ANKS1B: variants seen among roughly 807,000 people sequenced by gnomAD.
ANKS1B encodes ankyrin repeat and sterile alpha motif domain containing 1B.
A neutral mutation model predicts 148.3 loss-of-function variants in ANKS1B; 36 were observed. That is an observed-to-expected ratio of 0.24 (90% confidence interval 0.19 to 0.32). ANKS1B has a LOEUF of 0.32. ANKS1B is among the 10% of genes least tolerant of loss of function. The probability of loss-of-function intolerance (pLI) is 1.00; values close to 1 mark genes in which losing one functional copy is unlikely to be tolerated. For synonymous variants in ANKS1B, 542 were observed against 560.8 expected (o/e 0.97, Z 0.47); for missense variants, 1,157 against 1,542.6 (o/e 0.75, Z 4.19).
At chr12:98,921,408 T>C (rs1375659255) in intron 17 of ANKS1B, among the ~76,000 whole-genome samples, 1 of 152,220 alleles carries the variant, frequency 6.6e-6, no homozygotes, top group East Asian at 1.9e-4. Flanking sequence ...ATCTCATGCA[T>C]GCATTCCATG....
At chr12:98,951,940 A>G (rs2099854687) in intron 17 of ANKS1B, among the ~76,000 whole-genome samples, 1 of 152,216 alleles carries the variant, frequency 6.6e-6, no homozygotes, top group Non-Finnish European at 1.5e-5. Context: ...GTATCTGGTC[A>G]ATTGCCTGTC....
Position 99,319,325 on chromosome 12 carries a change from A to G in ANKS1B, c.1757-72461T>C, listed in dbSNP as rs2084778998. Among the ~76,000 whole-genome samples the G allele has an allele frequency of 2.6e-5, 4 of 152,046 alleles. No individual in the cohort carries two copies. In the South Asian group the frequency reaches 8.3e-4, roughly 32 times the overall value. On this transcript the variant is annotated intron_variant, in intron 12 of 26. Coordinates refer to ENST00000683438, the MANE Select transcript of ANKS1B (RefSeq NM_001352186.2). ...AGTCTAAGTCTCTTTGTAGGTCTCT[A>G]AGGGCTTGCTTTATGAATCTGGGTA... is the stretch of plus-strand genomic sequence containing the variant.
intron 15 of ANKS1B, among the ~76,000 whole-genome samples, chr12:99,094,955 A>G (rs1021193629): frequency 1.4e-4 from 22 of 152,114 alleles, no homozygotes; most frequent in Admixed American, 9.2e-4. Flanking sequence ...ATAACAGCCT[A>G]GAAACATAAA....
chr12:99,517,899 C>T (rs1489834127), intron 9 of ANKS1B, among the ~76,000 whole-genome samples: 2 of 152,004 alleles, frequency 1.3e-5, no homozygotes, highest in East Asian at 3.9e-4. Flanking sequence ...TCCTTCTATA[C>T]TCAGTTTTTT....
rs568629211 is a variant in ANKS1B at position 99,906,470 on chromosome 12, T to G, written c.134+77634A>C. Among the ~76,000 whole-genome samples the G allele has an allele frequency of 5.3e-5, 8 of 152,344 alleles. No homozygotes were observed. In the East Asian group the frequency reaches 1.3e-3, roughly 26 times the overall value. On this transcript the variant is annotated intron_variant, in intron 1 of 26. Transcript: ENST00000683438. ...GGTTAGAATCACAAATGATGATCAT[T>G]TACTTCACACCTAATATAACTCATT...
chr12:99,927,935 CA>C (rs2094513627), intron 1 of ANKS1B, among the ~76,000 whole-genome samples: 1 of 151,880 alleles, frequency 6.6e-6, no homozygotes, highest in Non-Finnish European at 1.5e-5. Context: ...TAAGGAAAAC[CA>C]TACAAATTTA....
At chr12:99,356,170 T>A (rs151280539) in intron 12 of ANKS1B, among the ~76,000 whole-genome samples, 15 of 152,234 alleles carry the variant, frequency 9.9e-5, no homozygotes, top group African/African-American at 3.4e-4. Flanking sequence ...ACGAAGACGC[T>A]TGCCTACCCT....
rs534736651 is a variant in ANKS1B, at chr12:98,839,249, T to TTATG, written c.2779-7117_2779-7114dup. 1.5e-4 allele frequency among the ~76,000 whole-genome samples: 23 copies of TTATG among 152,368 alleles called. No homozygotes were observed. The South Asian group carries it at 1.7e-3, about 11-fold the overall frequency. On this transcript the variant is annotated intron_variant, in intron 17 of 26. Transcript: ENST00000683438. ...ATGCCTTTCACATATAACCACCATG[T>TTATG]TATGCAATTTGTGAGCCACAAAGAA... is the stretch of plus-strand genomic sequence containing the variant.
chr12:99,483,090 G>A lies in ANKS1B; in HGVS notation c.1438+21386C>T, dbSNP rs192664699. On this transcript the variant is annotated intron_variant, in intron 10 of 26. Transcript: ENST00000683438. Reference sequence around the variant, plus strand: ...GTTTTGTTCCTGTTCTCGGTGGGGGGAATGCTTTCAACTTTTTCCCATTCC... The same window carrying A: ...GTTTTGTTCCTGTTCTCGGTGGGGGAAATGCTTTCAACTTTTTCCCATTCC... 5.7e-3 allele frequency among the ~76,000 whole-genome samples: 858 copies of A among 150,406 alleles called. 4 individuals are homozygous for A. Among genetic ancestry groups the A allele is most frequent in the Non-Finnish European group, 1.0e-2 (672 of 67,360 alleles).
rs1491213471 is a variant in ANKS1B at position 99,046,815 on chromosome 12, AAG to A, written c.2778+6340_2778+6341del. On this transcript the variant is annotated intron_variant, in intron 17 of 26. Coordinates refer to ENST00000683438, the MANE Select transcript of ANKS1B (RefSeq NM_001352186.2). The stretch of plus-strand genomic sequence containing the variant: ...AGAGCGAGACTCTGTCTTAAAAAAA[AAG>A]AAAAAAAAAAGAAAAAGAAAGACCC... 0.013 allele frequency among the ~76,000 whole-genome samples: 1,222 copies of A among 96,592 alleles called. 49 individuals carry two copies. The East Asian group carries it at 0.16, about 13-fold the overall frequency. The allele number at this position is 96,592 out of a possible 152,430, so 63.4% of individuals were successfully genotyped here.
intron 8 of ANKS1B, among the ~76,000 whole-genome samples, chr12:99,722,586 C>T (rs867559389): frequency 6.6e-6 from 1 of 152,288 alleles, no homozygotes; most frequent in Admixed American, 6.5e-5. Flanking sequence ...CGACAATGCA[C>T]CTAATTACCC....
At chr12:99,876,573 T>C (rs1461848314) in intron 1 of ANKS1B, among the ~76,000 whole-genome samples, 1 of 151,530 alleles carries the variant, frequency 6.6e-6, no homozygotes, top group East Asian at 1.9e-4. Context: ...AAAATATATA[T>C]ACAAAAAAAT....
chr12:98,834,311 C>G (rs1245337648), intron 17 of ANKS1B, among the ~76,000 whole-genome samples: 1 of 152,186 alleles, frequency 6.6e-6, no homozygotes, highest in Non-Finnish European at 1.5e-5. Flanking sequence ...TCACAATATT[C>G]CAGGTGTAAG....
At chr12:99,757,471 T>C (rs1308267668) in intron 8 of ANKS1B, among the ~76,000 whole-genome samples, 1 of 151,836 alleles carries the variant, frequency 6.6e-6, no homozygotes, top group African/African-American at 2.4e-5. Flanking sequence ...AAAAAAGCAA[T>C]GTTTATACAC....
At chr12:99,920,486 CAA>C (rs924396040) in intron 1 of ANKS1B, among the ~76,000 whole-genome samples, 1 of 133,458 alleles carries the variant, frequency 7.5e-6, no homozygotes. Context: ...CTCCAGAGGA[CAA>C]AAAAAAAAAT....
chr12:99,474,816 A>C (rs1033373479), intron 10 of ANKS1B, among the ~76,000 whole-genome samples: 2 of 152,094 alleles, frequency 1.3e-5, no homozygotes, highest in South Asian at 2.1e-4. Context: ...TTTGTTCAAC[A>C]TTGTCTTGAA....
chr12:99,520,799 G>GT (rs1305854165), intron 9 of ANKS1B, among the ~76,000 whole-genome samples: 1 of 151,792 alleles, frequency 6.6e-6, no homozygotes, highest in Non-Finnish European at 1.5e-5. Flanking sequence ...GTTTTGTTTA[G>GT]TTTTTTGTTT....
At chr12:99,503,924 C>A (rs778552526) in intron 10 of ANKS1B, among the ~76,000 whole-genome samples, 24 of 152,176 alleles carry the variant, frequency 1.6e-4, no homozygotes, top group Middle Eastern at 3.4e-3. Context: ...TAATGGTAGT[C>A]AAAAATCCAT....
chr12:99,097,367 T>A (rs2056545667), intron 15 of ANKS1B: 1 of 152,136 alleles, frequency 6.6e-6, no homozygotes, highest in South Asian at 2.1e-4. Flanking sequence ...TCCAGGACTG[T>A]CAGTTGAGAC....
Sources: gnomAD v4.1 joint callset for allele counts (sites outside exome capture counted in the v4.1 genomes callset) on GRCh38, gnomAD v4.1.1 for gene constraint, MANE v1.5 for transcripts, NCBI Gene and HGNC (gene_info 2026-07-23, HGNC 2026-07-21) for gene names.